The following ENTHD1 variants were observed in gnomAD, a reference collection of about 807,000 sequenced individuals.
ENTHD1 encodes ENTH domain-containing protein 1.
Under a neutral mutation model 39.1 loss-of-function variants are expected in ENTHD1, and 23 were observed. That is an observed-to-expected ratio of 0.59 (90% CI 0.42 to 0.83). The LOEUF (loss-of-function observed/expected upper bound fraction) is 0.83, where lower values mean the gene tolerates loss of function less well. Among genes scored for constraint, ENTHD1 ranks in the 40% least tolerant of loss-of-function variants. ENTHD1 has a pLI of 0.00. For synonymous variants in ENTHD1, 230 were observed against 258.2 expected (o/e 0.89, Z 1.05); for missense variants, 624 against 705.4 (o/e 0.88, Z 1.31).
rs912998292 is a variant in ENTHD1, at chr22:39,815,564, A to G, written c.832+5429T>C. Among the ~76,000 whole-genome samples the G allele has an allele frequency of 5.3e-5, 8 of 152,326 alleles. No homozygotes were observed. In the South Asian group the frequency reaches 1.7e-3, roughly 32 times the overall value. On this transcript the variant is annotated intron_variant, in intron 5 of 6. Transcript: ENST00000325157. ...AACTGCAACTAGAACTTTGGAAAAC[A>G]ATCTGGCATTACCTAGCAAATTTGA...
chr22:39,890,522 C>T (rs2066418430), intron 1 of ENTHD1, among the ~76,000 whole-genome samples: 1 of 152,140 alleles, frequency 6.6e-6, no homozygotes, highest in African/African-American at 2.4e-5. Flanking sequence ...AATTGAACAA[C>T]AAATGTTAAT....
At chr22:39,840,393 G>A (rs1399229621) in intron 3 of ENTHD1, among the ~76,000 whole-genome samples, 4 of 152,124 alleles carry the variant, frequency 2.6e-5, no homozygotes, top group East Asian at 1.9e-4. Context: ...TGAACCCTCC[G>A]ATATTTCTTA....
intron 3 of ENTHD1, among the ~76,000 whole-genome samples, chr22:39,861,524 A>T (rs2146724109): frequency 6.6e-6 from 1 of 152,296 alleles, no homozygotes; most frequent in South Asian, 2.1e-4. Context: ...TAGGAGACAG[A>T]GCAAGATTCC....
At chr22:39,766,241 T>C (rs2065276946) in intron 5 of ENTHD1, among the ~76,000 whole-genome samples, 1 of 152,186 alleles carries the variant, frequency 6.6e-6, no homozygotes, top group Admixed American at 6.5e-5. Context: ...TAAGTTCCAC[T>C]GGGCTGGAGA....
Position 39,887,710 on chromosome 22 carries a change from A to G in ENTHD1, c.39T>C (p.Asn13=). Residue 13 remains asparagine, a synonymous_variant, in exon 2 of 7, where the codon AAT becomes AAC. Transcript: ENST00000325157. ...FRRQVKNFVK[N]YSDAEIKVRE... ...TGACTTTTATTTCAGCATCTGAGTA[A>G]TTTTTCACAAAGTTTTTCACTTGTC... is the stretch of plus-strand genomic sequence containing the variant. 1 of 1,587,742 alleles carries G rather than the reference A, an allele frequency of 6.3e-7. No individual in the cohort carries two copies. Among genetic ancestry groups the G allele is most frequent in the South Asian group, 1.2e-5 (1 of 86,536 alleles).
At chr22:39,823,167 C>A (rs548657814) in intron 4 of ENTHD1, among the ~76,000 whole-genome samples, 3 of 152,150 alleles carry the variant, frequency 2.0e-5, no homozygotes, top group Admixed American at 6.5e-5. Context: ...TTGCATAATT[C>A]CTAGAGATTC....
In ENTHD1 at chr22:39,861,939, CTT is replaced by C; in HGVS notation, c.416_417del (p.Lys139ArgfsTer9). The C allele has an allele frequency of 6.3e-7, 1 of 1,592,130 alleles. No individual in the cohort carries two copies. The highest frequency in any genetic ancestry group is 1.1e-5 in the South Asian group (1 of 87,644). ...CTAGTCCGACATGCCACTTCCCTCT[CTT>C]TACACAGCAATGGTTCATCCATCAG... ...TLLMDEPLLC[K>X]EREVACRTRQ... On this transcript the variant is annotated frameshift_variant, in exon 3 of 7. Transcript: ENST00000325157. LOFTEE classifies it high-confidence loss of function.
At chr22:39,787,258 C>T (rs1355871125) in intron 5 of ENTHD1, among the ~76,000 whole-genome samples, 1 of 152,162 alleles carries the variant, frequency 6.6e-6, no homozygotes, top group Non-Finnish European at 1.5e-5. Context: ...AGCCATCCCT[C>T]ATCTCTCTCT....
chr22:39,766,607 G>C (rs1176574374), intron 5 of ENTHD1, among the ~76,000 whole-genome samples: 3 of 152,214 alleles, frequency 2.0e-5, no homozygotes, highest in African/African-American at 7.2e-5. Context: ...GCTCCCAAAA[G>C]AGGACGCAGA....
intron 5 of ENTHD1, among the ~76,000 whole-genome samples, chr22:39,770,798 C>A (rs2065315085): frequency 6.6e-6 from 1 of 152,150 alleles, no homozygotes; most frequent in South Asian, 2.1e-4. Flanking sequence ...CCCATGATAT[C>A]CTTGGATGCA....
intron 5 of ENTHD1, among the ~76,000 whole-genome samples, chr22:39,768,971 T>G (rs537894745): frequency 3.3e-5 from 5 of 152,054 alleles, no homozygotes; most frequent in African/African-American, 1.2e-4. Context: ...TATGTATATA[T>G]AGATAGATAC....
At chr22:39,800,793 T>TA (rs1304676201) in intron 5 of ENTHD1, among the ~76,000 whole-genome samples, 1 of 152,224 alleles carries the variant, frequency 6.6e-6, no homozygotes, top group African/African-American at 2.4e-5. Context: ...AGCAATGCAT[T>TA]AAAAGATATC....
At chr22:39,844,119 T>C (rs1028641332) in intron 3 of ENTHD1, among the ~76,000 whole-genome samples, 3 of 152,050 alleles carry the variant, frequency 2.0e-5, no homozygotes, top group African/African-American at 4.8e-5. Flanking sequence ...AATTTTGAGA[T>C]TAAAGATGTA....
Position 39,743,576 on chromosome 22 carries a change from C to A in ENTHD1, c.*103G>T. 1 of 1,321,240 alleles carries A rather than the reference C, an allele frequency of 7.6e-7. No homozygotes were observed. The highest frequency in any genetic ancestry group is 1.0e-6 in the Non-Finnish European group (1 of 1,003,156). The allele number at this position is 1,321,240 out of a possible 1,614,324, so 81.8% of individuals were successfully genotyped here. On this transcript the variant is annotated 3_prime_UTR_variant, in exon 7 of 7. Coordinates refer to ENST00000325157, the MANE Select transcript of ENTHD1 (RefSeq NM_152512.4). ...ATAAACCTGACAAGGAAAAATTAAA[C>A]CATCCCCTTTTTTGCCATAATAATA...
Position 39,893,704 on chromosome 22 carries a change from A to T in ENTHD1, c.-165T>A, listed in dbSNP as rs1418704515. ...AAGCAGAGGCTGTTACCTGAGAGGA[A>T]AGTCGGCCGCTGCCCAACGACCAAA... On this transcript the variant is annotated 5_prime_UTR_variant, in exon 1 of 7. Coordinates refer to ENST00000325157, the MANE Select transcript of ENTHD1 (RefSeq NM_152512.4). 1.3e-5 allele frequency: 2 copies of T among 152,256 alleles called. No individual in the cohort carries two copies. Among genetic ancestry groups the T allele is most frequent in the Admixed American group, 1.3e-4 (2 of 15,284 alleles). The allele number at this position is 152,256 out of a possible 1,614,324, so 9.4% of individuals were successfully genotyped here.
intron 1 of ENTHD1, among the ~76,000 whole-genome samples, chr22:39,890,724 G>T (rs1032270969): frequency 2.7e-4 from 41 of 151,998 alleles, no homozygotes; most frequent in African/African-American, 9.9e-4. Flanking sequence ...GAATTTACAT[G>T]ACACCATATC....
rs567086351 is a variant in ENTHD1, at chr22:39,886,561, TAAAA to T, written c.349+835_349+838del. Among the ~76,000 whole-genome samples the T allele has an allele frequency of 1.8e-4, 28 of 152,220 alleles. No homozygotes were observed. The East Asian group carries it at 4.8e-3, about 26-fold the overall frequency. On this transcript the variant is annotated intron_variant, in intron 2 of 6. Transcript: ENST00000325157. ...TTTCCTGTAAACCTAAAACTGCCCT[TAAAA>T]AAAGGTCTATTTTTAAAATGCATGC...
chr22:39,836,014 A>G, intron 3 of ENTHD1, 56 bp from the exon 4 acceptor site: 8 of 1,311,176 alleles, frequency 6.1e-6, no homozygotes, highest in Non-Finnish European at 8.6e-6. Context: ...TTATGTTTTT[A>G]TATTAGTTCC....
At chr22:39,757,324 C>G (rs935558978) in intron 6 of ENTHD1, among the ~76,000 whole-genome samples, 13 of 151,990 alleles carry the variant, frequency 8.6e-5, no homozygotes, top group Non-Finnish European at 2.9e-5. Flanking sequence ...AGCTGGAGTC[C>G]AGTGGTGCAA....
Sources: gnomAD v4.1 joint callset for allele counts (sites outside exome capture counted in the v4.1 genomes callset) on GRCh38, gnomAD v4.1.1 for gene constraint, MANE v1.5 for transcripts, NCBI Gene and HGNC (gene_info 2026-07-23, HGNC 2026-07-21) for gene names.